SDK1: variants seen among roughly 807,000 people sequenced by gnomAD.
SDK1 encodes sidekick cell adhesion molecule 1.
Under a neutral mutation model 245.5 loss-of-function variants are expected in SDK1, and 157 were observed. The ratio of observed to expected loss-of-function variants is 0.64; its 90% CI spans 0.56 to 0.73. SDK1 has a LOEUF of 0.73. Ranked by LOEUF, SDK1 falls within the 30% of genes least tolerant of loss-of-function variation. The pLI, the probability that SDK1 is intolerant of heterozygous loss-of-function variation, is 0.00. For missense variants in SDK1, 3,583 were observed against 3,002.3 expected, an observed-to-expected ratio of 1.19 and a Z score of -4.52; for synonymous variants, 1,647 against 1,278.5, an observed-to-expected ratio of 1.29 and a Z score of -6.15.
intron 4 of SDK1, among the ~76,000 whole-genome samples, chr7:3,769,903 T>C (rs945302088): frequency 6.6e-6 from 1 of 151,480 alleles, no homozygotes; most frequent in Admixed American, 6.6e-5. Context: ...AGTCAAACAC[T>C]CAGATTTTCT....
rs58339447 is a variant in SDK1, at chr7:3,392,415, T to C, written c.298+90531T>C. On this transcript the variant is annotated intron_variant, in intron 1 of 44. Coordinates refer to ENST00000404826, the MANE Select transcript of SDK1 (RefSeq NM_152744.4). ...TGACCTTTTGACATGACTCCATTAG[T>C]TTTCTTTTATATATACTTTTATGGT... 6.0e-3 allele frequency among the ~76,000 whole-genome samples: 916 copies of C among 151,740 alleles called. 12 individuals are homozygous for C. Among genetic ancestry groups the C allele is most frequent in the African/African-American group, 0.022 (887 of 41,212 alleles).
chr7:3,983,418 A>G (rs535948420), intron 13 of SDK1, among the ~76,000 whole-genome samples: 2 of 152,280 alleles, frequency 1.3e-5, no homozygotes, highest in African/African-American at 4.8e-5. Context: ...ATCAACATCC[A>G]AGCAGGACCC....
intron 2 of SDK1, among the ~76,000 whole-genome samples, chr7:3,627,937 C>T (rs563029438): frequency 1.7e-4 from 26 of 152,138 alleles, no homozygotes; most frequent in Admixed American, 4.6e-4. Flanking sequence ...ATCAGCCAAG[C>T]CATTTGTTAC....
chr7:3,594,060 T>G (rs1454067777), intron 1 of SDK1, among the ~76,000 whole-genome samples: 1 of 152,124 alleles, frequency 6.6e-6, no homozygotes, highest in African/African-American at 2.4e-5. Context: ...TTTTAGAACA[T>G]CCCCAAAAGA....
chr7:3,675,499 G>A (rs1489557740), intron 4 of SDK1, among the ~76,000 whole-genome samples: 1 of 152,098 alleles, frequency 6.6e-6, no homozygotes. Flanking sequence ...AGTACTTAAA[G>A]TGGCCTACAA....
chr7:3,327,444 T>A (rs1779965020), intron 1 of SDK1, among the ~76,000 whole-genome samples: 1 of 152,180 alleles, frequency 6.6e-6, no homozygotes, highest in Non-Finnish European at 1.5e-5. Flanking sequence ...ACTGGTTTTG[T>A]GATTAAAATG....
At chr7:3,739,608 A>G (rs968922875) in intron 4 of SDK1, among the ~76,000 whole-genome samples, 1 of 152,252 alleles carries the variant, frequency 6.6e-6, no homozygotes, top group African/African-American at 2.4e-5. Context: ...CCTTTTAACC[A>G]AAATTAATAC....
At chr7:3,830,952 C>T (rs572174976) in intron 5 of SDK1, among the ~76,000 whole-genome samples, 151 of 152,020 alleles carry the variant, frequency 9.9e-4, no homozygotes, top group African/African-American at 3.3e-3. Context: ...TGAGAGTGAC[C>T]CAAGATTATA....
At chr7:4,126,827 G>T (rs1469740023) in intron 25 of SDK1, among the ~76,000 whole-genome samples, 2 of 152,168 alleles carry the variant, frequency 1.3e-5, no homozygotes, top group Non-Finnish European at 2.9e-5. Flanking sequence ...TTAGTTTTCT[G>T]ATCGGTAGAA....
chr7:4,250,207 A>T (rs568894375), intron 44 of SDK1, among the ~76,000 whole-genome samples: 119 of 152,248 alleles, frequency 7.8e-4, no homozygotes, highest in African/African-American at 2.7e-3. Flanking sequence ...CATTTGAACC[A>T]CTTTTACGAA....
At chr7:3,902,011 A>G (rs1255040707) in intron 5 of SDK1, among the ~76,000 whole-genome samples, 1 of 152,172 alleles carries the variant, frequency 6.6e-6, no homozygotes, top group East Asian at 1.9e-4. Flanking sequence ...TTTCTAGCAC[A>G]ACAAGCTGCT....
intron 1 of SDK1, among the ~76,000 whole-genome samples, chr7:3,488,391 T>G (rs1417219259): frequency 6.6e-6 from 1 of 152,240 alleles, no homozygotes; most frequent in African/African-American, 2.4e-5. Context: ...GAGACACGAT[T>G]TAATATTAGT....
intron 33 of SDK1, among the ~76,000 whole-genome samples, chr7:4,174,919 AG>A (rs1013103639): frequency 3.3e-5 from 5 of 152,088 alleles, no homozygotes; most frequent in African/African-American, 1.2e-4. Context: ...TGGAGGTTAG[AG>A]GGGGTTCATT....
At chr7:4,025,779 C>T (rs1249316585) in intron 17 of SDK1, among the ~76,000 whole-genome samples, 1 of 152,212 alleles carries the variant, frequency 6.6e-6, no homozygotes, top group Non-Finnish European at 1.5e-5. Flanking sequence ...CCATCTTCAG[C>T]ACCATAGCCT....
At chr7:4,063,655 A>C (rs1779689134) in intron 19 of SDK1, among the ~76,000 whole-genome samples, 1 of 152,010 alleles carries the variant, frequency 6.6e-6, no homozygotes, top group Non-Finnish European at 1.5e-5. Context: ...GAGCCCAAAT[A>C]GCCAAAGCAA....
Position 3,435,620 on chromosome 7 carries a change from C to T in SDK1, c.298+133736C>T, listed in dbSNP as rs181966933. Among the ~76,000 whole-genome samples the T allele has an allele frequency of 2.6e-5, 4 of 152,200 alleles. No homozygotes were observed. The East Asian group carries it at 7.7e-4, about 29-fold the overall frequency. On this transcript the variant is annotated intron_variant, in intron 1 of 44. Coordinates refer to ENST00000404826, the MANE Select transcript of SDK1 (RefSeq NM_152744.4). ...GCTCAGGCAATCCGCCCGCTTCGGC[C>T]TCCCAAAGTGCTGGGATTACAGGAG...
chr7:3,480,938 G>C (rs1781503148), intron 1 of SDK1, among the ~76,000 whole-genome samples: 1 of 152,104 alleles, frequency 6.6e-6, no homozygotes, highest in Non-Finnish European at 1.5e-5. Context: ...CCTTCTTTCT[G>C]TTGGTATCCT....
intron 4 of SDK1, among the ~76,000 whole-genome samples, chr7:3,780,088 A>G (rs910214482): frequency 6.6e-6 from 1 of 152,192 alleles, no homozygotes; most frequent in African/African-American, 2.4e-5. Context: ...GAAAATGTCA[A>G]CACTTGGAAA....
chr7:3,936,517 G>A (rs1447610204), intron 5 of SDK1, among the ~76,000 whole-genome samples: 1 of 151,912 alleles, frequency 6.6e-6, no homozygotes, highest in East Asian at 1.9e-4. Flanking sequence ...CCCGTGAGGT[G>A]GAGGTTGCAA....
Sources: allele counts gnomAD v4.1 joint callset (sites outside exome capture counted in the v4.1 genomes callset), GRCh38; gene constraint gnomAD v4.1.1; transcripts MANE v1.5; gene names NCBI Gene and HGNC (gene_info 2026-07-23, HGNC 2026-07-21).